The following LAMA2 variants were observed in gnomAD, a reference collection of about 807,000 sequenced individuals.
The protein encoded by LAMA2 is laminin subunit alpha 2.
A neutral mutation model predicts 364.8 loss-of-function variants in LAMA2; 269 were observed. That is an observed-to-expected ratio of 0.74 (90% CI 0.67 to 0.82). The LOEUF is 0.82. Ranked by LOEUF, LAMA2 falls within the 40% of genes least tolerant of loss-of-function variation. The pLI, the probability that LAMA2 is intolerant of heterozygous loss-of-function variation, is 0.00. For missense variants in LAMA2, 3,807 were observed against 3,873.2 expected (o/e 0.98, Z 0.45); for synonymous variants, 1,379 against 1,370.6 (o/e 1.01, Z -0.14).
At chr6:129,362,124 G>A (rs754890667) in intron 32 of LAMA2, among the ~76,000 whole-genome samples, 7 of 151,888 alleles carry the variant, frequency 4.6e-5, no homozygotes, top group Non-Finnish European at 7.4e-5. Context: ...AATGATCATC[G>A]CTTTGATCTG....
intron 30 of LAMA2, among the ~76,000 whole-genome samples, chr6:129,347,282 T>A (rs556390462): frequency 6.6e-6 from 1 of 152,078 alleles, no homozygotes; most frequent in East Asian, 1.9e-4. Context: ...TTGACTGGGA[T>A]GGGGAAAATT....
At chr6:128,889,932 G>A (rs1483220128) in intron 1 of LAMA2, among the ~76,000 whole-genome samples, 1 of 152,100 alleles carries the variant, frequency 6.6e-6, no homozygotes, top group Non-Finnish European at 1.5e-5. Flanking sequence ...GCCTATTAAT[G>A]GGTTATTATT....
At chr6:129,259,903 T>G (rs935133533) in intron 14 of LAMA2, among the ~76,000 whole-genome samples, 33 of 152,110 alleles carry the variant, frequency 2.2e-4, no homozygotes, top group African/African-American at 8.0e-4. Flanking sequence ...ATTAAGCTTT[T>G]AAGATGTCCT....
intron 55 of LAMA2, 50 bp from the exon 56 acceptor site, chr6:129,486,424 G>C: frequency 6.3e-7 from 1 of 1,581,794 alleles, no homozygotes; most frequent in Non-Finnish European, 8.7e-7. Context: ...CTAAAGCTAA[G>C]CCATAAATGA....
chr6:129,063,205 C>T (rs1789052054), intron 3 of LAMA2, among the ~76,000 whole-genome samples: 2 of 151,934 alleles, frequency 1.3e-5, no homozygotes, highest in African/African-American at 4.8e-5. Flanking sequence ...CTCACAATTA[C>T]AGCTATTAAA....
intron 18 of LAMA2, among the ~76,000 whole-genome samples, chr6:129,280,408 A>G (rs757314643): frequency 9.2e-5 from 14 of 152,170 alleles, no homozygotes; most frequent in Non-Finnish European, 1.9e-4. Flanking sequence ...GTATTAACCT[A>G]CAATCTTTGT....
At chr6:129,506,865 T>G (rs973306902) in intron 61 of LAMA2, among the ~76,000 whole-genome samples, 3 of 152,164 alleles carry the variant, frequency 2.0e-5, no homozygotes, top group African/African-American at 7.2e-5. Flanking sequence ...GTCTCTGAAG[T>G]GACACTGGTA....
At chr6:129,044,353 T>G (rs1252579920) in intron 1 of LAMA2, among the ~76,000 whole-genome samples, 1 of 152,120 alleles carries the variant, frequency 6.6e-6, no homozygotes, top group African/African-American at 2.4e-5. Flanking sequence ...AGTGGGATTT[T>G]GAGAATGTAG....
At position 129,098,461 on chromosome 6, in the gene LAMA2, A is replaced by G. The variant is rs754721501; in HGVS notation, c.639+46A>G. The G allele has an allele frequency of 3.1e-6, 5 of 1,607,416 alleles. No individual in the cohort carries two copies. In the Admixed American group the frequency reaches 8.3e-5, roughly 27 times the overall value. On this transcript the variant is annotated intron_variant, in intron 4 of 64. Coordinates refer to ENST00000421865, the MANE Select transcript of LAMA2 (RefSeq NM_000426.4). ...ATTTAAGCACATTTGATACGGTGAAATAGGCCTGTCAGAAAGACCTGAATA... is the reference window on the plus strand; with the variant it reads ...ATTTAAGCACATTTGATACGGTGAAGTAGGCCTGTCAGAAAGACCTGAATA...
intron 32 of LAMA2, among the ~76,000 whole-genome samples, chr6:129,364,101 TTGTCACCTGCAAGAAGCTGCAGG>T (rs538824801): frequency 5.0e-4 from 76 of 152,274 alleles, no homozygotes; most frequent in East Asian, 1.5e-3. Flanking sequence ...CGCTCTACAG[TTGTCACCTGCAAGAAGCTGCAGG>T]TGTCACCTGC....
At chr6:129,249,999 G>A (rs778201136) in intron 12 of LAMA2, 113 bp from the exon 13 acceptor site, 44 of 739,534 alleles carry the variant, frequency 5.9e-5, no homozygotes, top group East Asian at 3.4e-4. Context: ...TGATTTCTGC[G>A]TCTTGCAAAT....
At position 129,267,153 on chromosome 6, in the gene LAMA2, C is replaced by T. The variant is rs1228885298; in HGVS notation, c.2256C>T (p.Gly752=). 9.3e-6 allele frequency: 15 copies of T among 1,613,278 alleles called. No individual in the cohort carries two copies. The highest frequency in any genetic ancestry group is 2.7e-5 in the African/African-American group (2 of 74,872). Residue 752 remains glycine (G), a synonymous_variant, in exon 16 of 65, where the codon GGC becomes GGT. Transcript: ENST00000421865. ...HRRVNGTIFG[G]ICEPCQCFGH... Reference sequence around the variant, plus strand: ...GAGTTAACGGCACTATTTTTGGTGGCATCTGTGAGCCATGTCAGTGCTTTG... The same window carrying T: ...GAGTTAACGGCACTATTTTTGGTGGTATCTGTGAGCCATGTCAGTGCTTTG...
At chr6:129,309,962 C>T (rs949195752) in intron 22 of LAMA2, among the ~76,000 whole-genome samples, 1 of 145,530 alleles carries the variant, frequency 6.9e-6, no homozygotes, top group African/African-American at 2.6e-5. Flanking sequence ...TGCAGTGGCG[C>T]GATCTCGGCT....
intron 1 of LAMA2, among the ~76,000 whole-genome samples, chr6:129,030,643 A>G (rs758330166): frequency 3.3e-4 from 51 of 152,272 alleles, no homozygotes; most frequent in African/African-American, 7.2e-4. Flanking sequence ...ACCCAAACCA[A>G]CATTAATTGT....
intron 4 of LAMA2, among the ~76,000 whole-genome samples, chr6:129,110,552 A>G (rs1045742544): frequency 3.3e-5 from 5 of 152,114 alleles, no homozygotes; most frequent in African/African-American, 9.6e-5. Context: ...CTATTTGTCT[A>G]TGGTGCTGTG....
In LAMA2 at chr6:129,505,356, G is replaced by A. The variant is rs1446002589; in HGVS notation, c.8703+1G>A. ...CTACACTACCCGAAGAATTGGTCCA[G>A]TAAATATCTGATTTCTTCTTTATTA... On this transcript the variant is annotated splice_donor_variant, in intron 61 of 64. Coordinates refer to ENST00000421865, the MANE Select transcript of LAMA2 (RefSeq NM_000426.4). LOFTEE classifies it high-confidence loss of function. 6.2e-7 allele frequency: 1 copy of A among 1,609,138 alleles called. No individual in the cohort carries two copies. The highest frequency in any genetic ancestry group is 8.5e-7 in the Non-Finnish European group (1 of 1,175,648).
At chr6:128,945,681 T>A (rs1780442137) in intron 1 of LAMA2, among the ~76,000 whole-genome samples, 1 of 152,208 alleles carries the variant, frequency 6.6e-6, no homozygotes, top group Non-Finnish European at 1.5e-5. Flanking sequence ...GGACTTTGTG[T>A]ATACACATTT....
chr6:129,332,271 C>T (rs550650791), intron 29 of LAMA2, among the ~76,000 whole-genome samples: 1 of 152,172 alleles, frequency 6.6e-6, no homozygotes, highest in Admixed American at 6.5e-5. Context: ...TCCTTTTCCC[C>T]TTGATACATT....
intron 1 of LAMA2, among the ~76,000 whole-genome samples, chr6:128,889,636 T>C (rs1374726965): frequency 1.3e-5 from 2 of 152,168 alleles, no homozygotes; most frequent in Non-Finnish European, 2.9e-5. Context: ...AATAAGGTAA[T>C]TAAAATAGAT....
Sources: allele counts gnomAD v4.1 joint callset (sites outside exome capture counted in the v4.1 genomes callset), GRCh38; gene constraint gnomAD v4.1.1; transcripts MANE v1.5; gene names NCBI Gene and HGNC (gene_info 2026-07-23, HGNC 2026-07-21).